The following SLMAP variants were observed in gnomAD, a reference collection of about 807,000 sequenced individuals.
SLMAP encodes the protein sarcolemma associated protein, also known as sarcolemmal membrane-associated protein.
Under a neutral mutation model 128.8 loss-of-function variants are expected in SLMAP, and 44 were observed. That is an observed-to-expected ratio of 0.34 (90% CI 0.27 to 0.44). The LOEUF (loss-of-function observed/expected upper bound fraction) is 0.44. Ranked by LOEUF, SLMAP falls within the 20% of genes least tolerant of loss-of-function variation. SLMAP has a pLI of 1.00. For missense variants in SLMAP, 787 were observed against 985.3 expected (o/e 0.80, Z 2.69); for synonymous variants, 327 against 348.8 (o/e 0.94, Z 0.70).
intron 17 of SLMAP, among the ~76,000 whole-genome samples, chr3:57,906,775 C>T (rs1311469036): frequency 6.7e-6 from 1 of 149,884 alleles, no homozygotes; most frequent in African/African-American, 2.5e-5. Flanking sequence ...AGTTATTATG[C>T]TGAGGTACTT....
chr3:57,922,939 G>T lies in SLMAP; in HGVS notation c.2361G>T (p.Met787Ile), dbSNP rs1426232667. 3 of 1,613,560 alleles carry T rather than the reference G, an allele frequency of 1.9e-6. No homozygotes were observed. Among genetic ancestry groups the T allele is most frequent in the Non-Finnish European group, 2.5e-6 (3 of 1,179,864 alleles). Reference protein sequence around the residue: ...VLSELKLKFEMTEQEKQSITD... With the variant: ...VLSELKLKFEITEQEKQSITD... ...CAGAACTGAAGTTGAAGTTTGAAAT[G>T]ACTGAGCAGGAAAAGCAGTCAATCA... The change falls in exon 23 of 25, where the codon ATG becomes ATT. Residue 787 changes from methionine to isoleucine, a missense_variant. Coordinates refer to ENST00000671191, the MANE Select transcript of SLMAP (RefSeq NM_001377540.1).
Position 57,819,403 on chromosome 3 carries a change from G to A in SLMAP, c.199-11980G>A, listed in dbSNP as rs186143909. Among the ~76,000 whole-genome samples, 25 of 152,038 alleles carry A rather than the reference G, an allele frequency of 1.6e-4. No homozygotes were observed. In the East Asian group the frequency reaches 1.7e-3, roughly 11 times the overall value. ...TAAAAGCTATGAATGTTCTTTTTTG[G>A]GCAGGTGTACTATTTATGTCTTTTA... is the stretch of plus-strand genomic sequence containing the variant. On this transcript the variant is annotated intron_variant, in intron 2 of 24. Transcript: ENST00000671191.
intron 2 of SLMAP, among the ~76,000 whole-genome samples, chr3:57,821,668 T>G (rs1446376894): frequency 6.6e-6 from 1 of 152,192 alleles, no homozygotes; most frequent in Non-Finnish European, 1.5e-5. Context: ...TTCTGGTGAC[T>G]CCCACTGCAG....
At chr3:57,769,806 T>C (rs1485139307) in intron 2 of SLMAP, among the ~76,000 whole-genome samples, 1 of 152,210 alleles carries the variant, frequency 6.6e-6, no homozygotes, top group African/African-American at 2.4e-5. Flanking sequence ...TGGACCTTTG[T>C]TTTAACAAAT....
At chr3:57,769,853 T>C (rs886591835) in intron 2 of SLMAP, among the ~76,000 whole-genome samples, 2 of 152,200 alleles carry the variant, frequency 1.3e-5, no homozygotes, top group African/African-American at 4.8e-5. Flanking sequence ...TCTTGAAATA[T>C]TTGTTTCTAG....
intron 2 of SLMAP, among the ~76,000 whole-genome samples, chr3:57,778,899 A>G (rs1196468555): frequency 2.0e-5 from 3 of 152,244 alleles, no homozygotes; most frequent in East Asian, 3.9e-4. Context: ...CATGGTTACA[A>G]TGCTGAATTT....
intron 22 of SLMAP, 69 bp downstream of exon 22, chr3:57,917,146 T>C (rs1418195515): frequency 1.9e-6 from 3 of 1,602,362 alleles, no homozygotes; most frequent in South Asian, 1.1e-5. Flanking sequence ...CGGATATCCA[T>C]GCTAGTTAGA....
At chr3:57,772,531 C>G (rs1259087382) in intron 2 of SLMAP, among the ~76,000 whole-genome samples, 1 of 152,204 alleles carries the variant, frequency 6.6e-6, no homozygotes, top group Non-Finnish European at 1.5e-5. Flanking sequence ...ATAATGTTGA[C>G]ATTTGATATT....
intron 2 of SLMAP, among the ~76,000 whole-genome samples, chr3:57,760,573 T>C (rs1309605550): frequency 1.3e-5 from 2 of 152,096 alleles, no homozygotes; most frequent in Non-Finnish European, 2.9e-5. Flanking sequence ...GACCAAATAG[T>C]TCTCGTATGA....
In SLMAP at chr3:57,928,609, A is replaced by G. The variant is rs958724063; in HGVS notation, c.*1320A>G. On this transcript the variant is annotated 3_prime_UTR_variant, in exon 25 of 25. Transcript: ENST00000671191. Reference sequence around the variant, plus strand: ...TTTTGTGCGGCATCATAGTTATGTCAATAAAGTTTATTTAGGTCATAGAAT... The same window carrying G: ...TTTTGTGCGGCATCATAGTTATGTCGATAAAGTTTATTTAGGTCATAGAAT... 1.3e-5 allele frequency: 2 copies of G among 152,230 alleles called. No individual in the cohort carries two copies. The highest frequency in any genetic ancestry group is 4.8e-5 in the African/African-American group (2 of 41,478). The allele number at this position is 152,230 out of a possible 1,614,324, so 9.4% of individuals were successfully genotyped here. A position where few individuals can be genotyped will look rare whatever the true frequency, so the allele number is the denominator to read the frequency against.
At chr3:57,882,921 G>A (rs935653889) in intron 14 of SLMAP, among the ~76,000 whole-genome samples, 1 of 152,048 alleles carries the variant, frequency 6.6e-6, no homozygotes, top group Non-Finnish European at 1.5e-5. Flanking sequence ...TTTATTATCT[G>A]CTGTGTTCAT....
intron 2 of SLMAP, among the ~76,000 whole-genome samples, chr3:57,764,501 C>CAAA (rs759948558): frequency 2.9e-5 from 3 of 103,278 alleles, no homozygotes; most frequent in African/African-American, 4.0e-5. Context: ...GACTGCATCT[C>CAAA]AAAAAAAAAA....
In SLMAP at chr3:57,767,107, T is replaced by G. The variant is rs537877372; in HGVS notation, c.198+9258T>G. Among the ~76,000 whole-genome samples, 26 of 151,980 alleles carry G rather than the reference T, an allele frequency of 1.7e-4. No individual in the cohort carries two copies. The South Asian group carries it at 5.4e-3, about 32-fold the overall frequency. ...CTAATTTTTGTATTTTTAGTAGAGATGGGATTTCACCATGTTGCCCAGGCT... is the reference window on the plus strand; with the variant it reads ...CTAATTTTTGTATTTTTAGTAGAGAGGGGATTTCACCATGTTGCCCAGGCT... On this transcript the variant is annotated intron_variant, in intron 2 of 24. Coordinates refer to ENST00000671191, the MANE Select transcript of SLMAP (RefSeq NM_001377540.1).
At position 57,857,982 on chromosome 3, in the gene SLMAP, C is replaced by T. The variant is rs140581820; in HGVS notation, c.616-106C>T. On this transcript the variant is annotated intron_variant, in intron 7 of 24. Transcript: ENST00000671191. The stretch of plus-strand genomic sequence containing the variant: ...TTAGCATTTTACAGTGGATGCTGGT[C>T]AGTTTTACGCTTTTATATCTTTTGT... The T allele has an allele frequency of 1.8e-4, 166 of 909,276 alleles. No homozygotes were observed. The East Asian group carries it at 3.8e-3, about 21-fold the overall frequency. The allele number at this position is 909,276 out of a possible 1,614,324, so 56.3% of individuals were successfully genotyped here.
intron 14 of SLMAP, among the ~76,000 whole-genome samples, chr3:57,879,575 C>G (rs2095679032): frequency 6.6e-6 from 1 of 152,122 alleles, no homozygotes; most frequent in African/African-American, 2.4e-5. Context: ...TTCAAAACTA[C>G]TAAAATCATA....
In SLMAP at chr3:57,853,079, A is replaced by G. The variant is rs1237994109; in HGVS notation, c.519+3263A>G. ...AAACTCTAAATGGAATTGAATTAAA[A>G]AGGTGAAATTACACCATCTAGTGGA... is the stretch of plus-strand genomic sequence containing the variant. On this transcript the variant is annotated intron_variant, in intron 6 of 24. Transcript: ENST00000671191. Among the ~76,000 whole-genome samples the G allele has an allele frequency of 2.7e-4, 41 of 152,244 alleles. 2 individuals are homozygous for G. Among genetic ancestry groups the G allele is most frequent in the Admixed American group, 2.7e-3 (41 of 15,284 alleles).
rs1491164431 is a variant in SLMAP, at chr3:57,906,301, T to TTTTTTTTCTTTTTTTTTTTTTTTTCA, written c.1502-1576_1502-1575insCTTTTTTTTTTTTTTTTCATTTTTTT. Among the ~76,000 whole-genome samples the TTTTTTTTCTTTTTTTTTTTTTTTTCA allele has an allele frequency of 1.9e-4, 18 of 95,346 alleles. 1 individual carries two copies. The highest frequency in any genetic ancestry group is 6.7e-4 in the African/African-American group (18 of 26,880). The allele number at this position is 95,346 out of a possible 152,430, so 62.6% of individuals were successfully genotyped here. A position where few individuals can be genotyped will look rare whatever the true frequency, so the allele number is the denominator to read the frequency against. On this transcript the variant is annotated intron_variant, in intron 17 of 24. Transcript: ENST00000671191. ...CTGAACCCAGAATCAAATTTTTTTC[T>TTTTTTTTCTTTTTTTTTTTTTTTTCA]TTTTTTTTCTTTTTTTTTTTTTTTT...
At chr3:57,854,015 TA>T (rs2153586246) in intron 6 of SLMAP, among the ~76,000 whole-genome samples, 2 of 115,864 alleles carry the variant, frequency 1.7e-5, no homozygotes, top group South Asian at 5.1e-4. Context: ...ATATAATATA[TA>T]TTATATATAA....
At chr3:57,871,791 T>TA (rs2095485452) in intron 14 of SLMAP, 93 bp downstream of exon 14, 1 of 948,942 alleles carries the variant, frequency 1.1e-6, no homozygotes, top group Non-Finnish European at 1.7e-6. Context: ...ATGTGTTTGT[T>TA]ATAGCAGAAG....
Sources: allele counts gnomAD v4.1 joint callset (sites outside exome capture counted in the v4.1 genomes callset), GRCh38; gene constraint gnomAD v4.1.1; transcripts MANE v1.5; gene names NCBI Gene and HGNC (gene_info 2026-07-23, HGNC 2026-07-21).